Variants in SVOPL observed in about 807,000 individuals in gnomAD.
SVOPL encodes the protein SVOP like, also known as putative transporter SVOPL.
A neutral mutation model predicts 61.0 loss-of-function variants in SVOPL; 60 were observed. The ratio of observed to expected loss-of-function variants is 0.98; its 90% CI spans 0.80 to 1.22. SVOPL has a LOEUF of 1.22. SVOPL is among the 50% of genes most tolerant of loss of function. The probability of loss-of-function intolerance (pLI) is 0.00; values close to 1 mark genes in which losing one functional copy is unlikely to be tolerated. For missense variants in SVOPL, 662 were observed against 643.9 expected, an observed-to-expected ratio of 1.03 and a Z score of -0.30; for synonymous variants, 279 against 250.0, an observed-to-expected ratio of 1.12 and a Z score of -1.09.
In SVOPL at chr7:138,670,415, A is replaced by C. The variant is rs531553506; in HGVS notation, c.273+1604T>G. 1.4e-4 allele frequency among the ~76,000 whole-genome samples: 22 copies of C among 152,260 alleles called. No homozygotes were observed. In the South Asian group the frequency reaches 4.6e-3, roughly 32 times the overall value. ...CCTGTAAATAACATCACTATTGTAGAACCTAAGATTGGCTTTTTGAGAAGT... is the reference window on the plus strand; with the variant it reads ...CCTGTAAATAACATCACTATTGTAGCACCTAAGATTGGCTTTTTGAGAAGT... On this transcript the variant is annotated intron_variant, in intron 4 of 15. Transcript: ENST00000674285.
In SVOPL at chr7:138,663,118, T is replaced by C; in HGVS notation, c.301A>G (p.Ser101Gly). 3.7e-6 allele frequency: 6 copies of C among 1,614,122 alleles called. No homozygotes were observed. Among genetic ancestry groups the C allele is most frequent in the Non-Finnish European group, 4.2e-6 (5 of 1,180,038 alleles). ...TMVFFGYMVF[S>G]ILFGLLADRY... ...TCAGCCAGGAGGCCAAAGAGGATAC[T>C]GAAAACCATGTAGCCAAAAAACACC... The change falls in exon 5 of 16, where the codon AGT becomes GGT. Residue 101 changes from serine (S) to glycine (G), a missense_variant. Coordinates refer to ENST00000674285, the MANE Select transcript of SVOPL (RefSeq NM_001139456.2).
chr7:138,663,117 C>G lies in SVOPL; in HGVS notation c.302G>C (p.Ser101Thr), dbSNP rs757945832. 6.2e-7 allele frequency: 1 copy of G among 1,614,020 alleles called. No homozygotes were observed. The highest frequency in any genetic ancestry group is 8.5e-7 in the Non-Finnish European group (1 of 1,180,044). The change falls in exon 5 of 16, where the codon AGT (serine) becomes ACT (threonine). Residue 101 changes from serine to threonine, a missense_variant. Physicochemically the swap from Ser to Thr is moderately conservative, Grantham distance 58. Transcript: ENST00000674285. ...TMVFFGYMVF[S>T]ILFGLLADRY... ...GTCAGCCAGGAGGCCAAAGAGGATA[C>G]TGAAAACCATGTAGCCAAAAAACAC...
chr7:138,643,357 G>A (rs1184850730), intron 9 of SVOPL, among the ~76,000 whole-genome samples: 7 of 147,322 alleles, frequency 4.8e-5, no homozygotes, highest in Admixed American at 1.4e-4. Flanking sequence ...CCAGGGAGTC[G>A]GAAGTTGCAG....
At chr7:138,680,596 T>TGA (rs1802679348) in intron 1 of SVOPL, among the ~76,000 whole-genome samples, 1 of 151,712 alleles carries the variant, frequency 6.6e-6, no homozygotes, top group East Asian at 1.9e-4. Context: ...TGTGTGTGTG[T>TGA]GAGACGGAGT....
At chr7:138,654,199 G>T (rs1327267498) in intron 7 of SVOPL, among the ~76,000 whole-genome samples, 1 of 151,282 alleles carries the variant, frequency 6.6e-6, no homozygotes, top group Non-Finnish European at 1.5e-5. Context: ...AATAAGTCCT[G>T]GTGTTTGCTA....
At chr7:138,688,800 G>A (rs2117136764) in intron 1 of SVOPL, among the ~76,000 whole-genome samples, 1 of 152,244 alleles carries the variant, frequency 6.6e-6, no homozygotes, top group East Asian at 1.9e-4. Context: ...AACCTCAGGA[G>A]AATTGAGAAC....
chr7:138,688,275 GT>G (rs112224103), intron 1 of SVOPL, among the ~76,000 whole-genome samples: 27 of 145,896 alleles, frequency 1.9e-4, no homozygotes, highest in East Asian at 4.0e-4. Flanking sequence ...AAATTTTGGG[GT>G]TTTTTTTTTT....
At chr7:138,611,101 G>A (rs1259522560) in intron 14 of SVOPL, among the ~76,000 whole-genome samples, 2 of 152,188 alleles carry the variant, frequency 1.3e-5, no homozygotes, top group African/African-American at 2.4e-5. Context: ...CCTTGGCCGG[G>A]CACAGTGGCT....
chr7:138,665,624 C>G (rs1168076936), intron 4 of SVOPL, among the ~76,000 whole-genome samples: 1 of 152,134 alleles, frequency 6.6e-6, no homozygotes, highest in Non-Finnish European at 1.5e-5. Flanking sequence ...GTGTCATGTA[C>G]TATAAAAAAC....
At chr7:138,649,251 T>TCA (rs1388561169) in intron 7 of SVOPL, 114 bp from the exon 8 acceptor site, 6 of 1,329,416 alleles carry the variant, frequency 4.5e-6, no homozygotes, top group Non-Finnish European at 6.0e-6. Flanking sequence ...CCCATGTGCT[T>TCA]CACATATCTT....
At chr7:138,641,814 T>TATATATATATA (rs1554464905) in intron 9 of SVOPL, among the ~76,000 whole-genome samples, 18 of 120,978 alleles carry the variant, frequency 1.5e-4, no homozygotes, top group African/African-American at 4.3e-4. Flanking sequence ...TATATATATG[T>TATATATATATA]TATATATATA....
intron 1 of SVOPL, among the ~76,000 whole-genome samples, chr7:138,692,718 T>C (rs1266420431): frequency 3.3e-5 from 5 of 152,198 alleles, no homozygotes; most frequent in Non-Finnish European, 7.3e-5. Flanking sequence ...ATGCAACCCT[T>C]GGTCCTAGAG....
intron 9 of SVOPL, among the ~76,000 whole-genome samples, chr7:138,642,538 T>A (rs1459817565): frequency 6.6e-6 from 1 of 151,932 alleles, no homozygotes; most frequent in Non-Finnish European, 1.5e-5. Flanking sequence ...AAAATATATA[T>A]AACCAAGGCT....
chr7:138,645,294 A>G (rs927602566), intron 8 of SVOPL, among the ~76,000 whole-genome samples: 10 of 152,098 alleles, frequency 6.6e-5, no homozygotes, highest in African/African-American at 2.4e-4. Flanking sequence ...GAAGGCTCTC[A>G]ACCCACTGAA....
chr7:138,691,391 G>A (rs1802936719), intron 1 of SVOPL, among the ~76,000 whole-genome samples: 1 of 152,090 alleles, frequency 6.6e-6, no homozygotes, highest in African/African-American at 2.4e-5. Flanking sequence ...CCATCTAAAC[G>A]TATTTTACAA....
chr7:138,648,508 T>G (rs1273128210), intron 8 of SVOPL, among the ~76,000 whole-genome samples: 2 of 123,148 alleles, frequency 1.6e-5, no homozygotes, highest in Non-Finnish European at 3.2e-5. Flanking sequence ...GAGACCACGG[T>G]GAAACACTGT....
At chr7:138,622,270 GTATC>G (rs1224085695) in intron 13 of SVOPL, among the ~76,000 whole-genome samples, 7,053 of 83,882 alleles carry the variant, frequency 0.084, 703 homozygotes, top group African/African-American at 0.18. Flanking sequence ...ATCTATCTAT[GTATC>G]TATCTATCTA....
intron 3 of SVOPL, among the ~76,000 whole-genome samples, chr7:138,675,920 C>A (rs753271706): frequency 6.6e-6 from 1 of 152,174 alleles, no homozygotes; most frequent in Admixed American, 6.5e-5. Flanking sequence ...CCCACTGCAA[C>A]CTCTGCCTCC....
In SVOPL at chr7:138,635,430, G is replaced by T. The variant is rs1421937994; in HGVS notation, c.790-5308C>A. Among the ~76,000 whole-genome samples, 4 of 151,312 alleles carry T rather than the reference G, an allele frequency of 2.6e-5. 1 individual carries two copies. The highest frequency in any genetic ancestry group is 6.4e-3 in the Middle Eastern group (2 of 314). On this transcript the variant is annotated intron_variant, in intron 9 of 15. Coordinates refer to ENST00000674285, the MANE Select transcript of SVOPL (RefSeq NM_001139456.2). ...TTTTTAAATAGAGATGGGGGTGGGG[G>T]TCTCACTATATTGCCCAGGCTGGTC... is the stretch of plus-strand genomic sequence containing the variant.
Sources: gnomAD v4.1 joint callset for allele counts (sites outside exome capture counted in the v4.1 genomes callset) on GRCh38, gnomAD v4.1.1 for gene constraint, MANE v1.5 for transcripts, NCBI Gene and HGNC (gene_info 2026-07-23, HGNC 2026-07-21) for gene names.